The following TLK2 variants were observed in gnomAD, a reference collection of about 807,000 sequenced individuals.
The protein encoded by TLK2 is serine/threonine-protein kinase tousled-like 2.
In TLK2, 6 loss-of-function variants were observed where a neutral mutation model predicts 117.3. The observed-to-expected ratio is 0.05, with a 90% CI of 0.03 to 0.10. TLK2 has a LOEUF of 0.10. Ranked by LOEUF, TLK2 falls within the 10% of genes least tolerant of loss-of-function variation. The pLI is 1.00. For synonymous variants in TLK2, 257 were observed against 316.7 expected, an observed-to-expected ratio of 0.81 and a Z score of 2.00; for missense variants, 299 against 901.2, an observed-to-expected ratio of 0.33 and a Z score of 8.56.
In TLK2 at chr17:62,501,941, A is replaced by C. The variant is rs1055923085; in HGVS notation, c.82-18832A>C. On this transcript the variant is annotated intron_variant, in intron 2 of 21. Transcript: ENST00000346027. Reference sequence around the variant, plus strand: ...GGCACAATCAGTGTCACAAACAAACAATCAAACAAAGTCTTCCTAAAAAGA... The same window carrying C: ...GGCACAATCAGTGTCACAAACAAACCATCAAACAAAGTCTTCCTAAAAAGA... Among the ~76,000 whole-genome samples the C allele has an allele frequency of 3.9e-5, 6 of 152,012 alleles. No homozygotes were observed. In the East Asian group the frequency reaches 7.7e-4, roughly 20 times the overall value.
At chr17:62,571,057 G>A (rs2146570912) in intron 11 of TLK2, among the ~76,000 whole-genome samples, 1 of 152,226 alleles carries the variant, frequency 6.6e-6, no homozygotes, top group East Asian at 1.9e-4. Context: ...TTTTTTAATT[G>A]GGAAATTCAT....
chr17:62,585,438 T>C (rs2081541862), intron 15 of TLK2, among the ~76,000 whole-genome samples: 2 of 152,314 alleles, frequency 1.3e-5, no homozygotes, highest in Non-Finnish European at 2.9e-5. Flanking sequence ...CTCAGGAAGC[T>C]GAGGCAGGAG....
chr17:62,500,054 C>T (rs542486825), intron 2 of TLK2, among the ~76,000 whole-genome samples: 6 of 152,022 alleles, frequency 3.9e-5, no homozygotes, highest in South Asian at 2.1e-4. Flanking sequence ...TTTCCTAGAT[C>T]GAGTCTTTAT....
At chr17:62,582,184 C>A (rs191810647) in intron 15 of TLK2, among the ~76,000 whole-genome samples, 11 of 152,282 alleles carry the variant, frequency 7.2e-5, no homozygotes, top group Admixed American at 5.9e-4. Flanking sequence ...TTCAGATTTT[C>A]TCTCCCTTCT....
chr17:62,504,024 A>C (rs2145068612), intron 2 of TLK2, among the ~76,000 whole-genome samples: 1 of 152,230 alleles, frequency 6.6e-6, no homozygotes, highest in East Asian at 1.9e-4. Flanking sequence ...GTGAGCCACC[A>C]CGCTCGGCCA....
intron 10 of TLK2, among the ~76,000 whole-genome samples, chr17:62,564,045 G>T (rs182407988): frequency 6.6e-6 from 1 of 152,138 alleles, no homozygotes; most frequent in South Asian, 2.1e-4. Flanking sequence ...AGAAAATAGG[G>T]AAACAGCTTA....
At chr17:62,486,412 G>T (rs1246009923) in intron 2 of TLK2, among the ~76,000 whole-genome samples, 1 of 152,008 alleles carries the variant, frequency 6.6e-6, no homozygotes, top group East Asian at 1.9e-4. Flanking sequence ...CGCCCGCCTC[G>T]GCCTCCCAAA....
intron 2 of TLK2, among the ~76,000 whole-genome samples, chr17:62,510,087 A>G (rs1228756241): frequency 6.6e-6 from 1 of 152,208 alleles, no homozygotes; most frequent in Non-Finnish European, 1.5e-5. Context: ...CAGCCTGGGC[A>G]AAGTGGTGAA....
At chr17:62,586,777 C>T (rs1398728191) in intron 16 of TLK2, among the ~76,000 whole-genome samples, 1 of 151,534 alleles carries the variant, frequency 6.6e-6, no homozygotes, top group East Asian at 1.9e-4. Context: ...GCCGAGATCA[C>T]GTCACTGCAC....
intron 1 of TLK2, among the ~76,000 whole-genome samples, chr17:62,479,810 C>T (rs2071401266): frequency 6.6e-6 from 1 of 152,170 alleles, no homozygotes; most frequent in South Asian, 2.1e-4. Context: ...CCGGGCCGGG[C>T]CTGGGGATGG....
upstream of TLK2, among the ~76,000 whole-genome samples, chr17:62,476,674 T>A (rs183281871): frequency 5.3e-5 from 8 of 152,302 alleles, no homozygotes; most frequent in East Asian, 1.5e-3. Context: ...AAAGGTTAGA[T>A]GATAGGCCCA....
At position 62,495,183 on chromosome 17, in the gene TLK2, G is replaced by A. The variant is rs189185994; in HGVS notation, c.81+13977G>A. On this transcript the variant is annotated intron_variant, in intron 2 of 21. Transcript: ENST00000346027. ...CCCTATCTCCAAAAAAAAAGGAAAC[G>A]ATTACTGTAGATAAACAACCTCATG... 1.4e-3 allele frequency among the ~76,000 whole-genome samples: 208 copies of A among 151,666 alleles called. 1 individual carries two copies. The highest frequency in any genetic ancestry group is 3.4e-3 in the Middle Eastern group (1 of 294).
intron 1 of TLK2, among the ~76,000 whole-genome samples, chr17:62,473,022 C>G (rs1334114478): frequency 2.0e-5 from 3 of 152,282 alleles, no homozygotes; most frequent in East Asian, 3.9e-4. Flanking sequence ...AACAAACAGC[C>G]AAGCCCCCAA....
At chr17:62,580,960 G>A (rs2081172631) in intron 15 of TLK2, among the ~76,000 whole-genome samples, 1 of 152,124 alleles carries the variant, frequency 6.6e-6, no homozygotes, top group African/African-American at 2.4e-5. Context: ...AATAAAAACG[G>A]TAAAACTATT....
intron 9 of TLK2, among the ~76,000 whole-genome samples, chr17:62,558,260 C>T (rs1394888684): frequency 6.6e-6 from 1 of 151,974 alleles, no homozygotes; most frequent in Non-Finnish European, 1.5e-5. Context: ...GCCTCGACCT[C>T]CCAGGCTCAA....
chr17:62,496,981 C>A (rs956941165), intron 2 of TLK2, among the ~76,000 whole-genome samples: 6 of 145,618 alleles, frequency 4.1e-5, no homozygotes, highest in East Asian at 2.1e-4. Context: ...AAAAAAAGTT[C>A]TTTGGCCAGG....
rs943959293 is a variant in TLK2 at position 62,574,284 on chromosome 17, G to A, written c.1121+917G>A. 3.3e-6 allele frequency: 5 copies of A among 1,530,642 alleles called. No individual in the cohort carries two copies. The Admixed American group carries it at 1.0e-4, about 31-fold the overall frequency. 94.8% of individuals were successfully genotyped at this position (1,530,642 alleles called of 1,614,324 possible). The stretch of plus-strand genomic sequence containing the variant: ...TCACCCCATACATATCTGATGTTTT[G>A]GGAAGTCTCTTCCTTGATGTTCGTT... On this transcript the variant is annotated intron_variant, in intron 12 of 21. Transcript: ENST00000346027.
intron 7 of TLK2, among the ~76,000 whole-genome samples, chr17:62,545,604 G>A (rs752681976): frequency 1.3e-5 from 2 of 152,056 alleles, no homozygotes. Context: ...ATGACAGAAC[G>A]AGAGACTGTC....
At chr17:62,587,951 G>T (rs569775193) in intron 16 of TLK2, among the ~76,000 whole-genome samples, 123 of 151,334 alleles carry the variant, frequency 8.1e-4, no homozygotes, top group Admixed American at 1.4e-3. Context: ...TACATATACA[G>T]ATGTATATGT....
Sources: gnomAD v4.1 joint callset for allele counts (sites outside exome capture counted in the v4.1 genomes callset) on GRCh38, gnomAD v4.1.1 for gene constraint, MANE v1.5 for transcripts, NCBI Gene and HGNC (gene_info 2026-07-23, HGNC 2026-07-21) for gene names.